Variants in SUCLG2 observed in about 807,000 individuals in gnomAD.
SUCLG2 encodes the protein succinate--CoA ligase [GDP-forming] subunit beta, mitochondrial.
In SUCLG2, 42 loss-of-function variants were observed where a neutral mutation model predicts 47.9. The ratio of observed to expected loss-of-function variants is 0.88; its 90% CI spans 0.69 to 1.14. The LOEUF (loss-of-function observed/expected upper bound fraction) is 1.14. Ranked by LOEUF, SUCLG2 falls within the 50% of genes most tolerant of loss-of-function variation. The probability of loss-of-function intolerance (pLI) is 0.00; values close to 1 mark genes in which losing one functional copy is unlikely to be tolerated. For missense variants in SUCLG2, 571 were observed against 525.9 expected, an observed-to-expected ratio of 1.09 and a Z score of -0.84; for synonymous variants, 195 against 197.3, an observed-to-expected ratio of 0.99 and a Z score of 0.10.
chr3:67,421,712 A>C (rs916170640), intron 9 of SUCLG2, among the ~76,000 whole-genome samples: 2 of 152,232 alleles, frequency 1.3e-5, no homozygotes, highest in African/African-American at 4.8e-5. Context: ...GGGGCTTAGC[A>C]ACTCCACATT....
At chr3:67,581,377 C>A (rs1051313959) in intron 2 of SUCLG2, among the ~76,000 whole-genome samples, 4 of 152,182 alleles carry the variant, frequency 2.6e-5, no homozygotes, top group African/African-American at 9.7e-5. Context: ...TGTCTTCTGC[C>A]ATATTTGTTT....
intron 9 of SUCLG2, among the ~76,000 whole-genome samples, chr3:67,493,270 G>GT (rs1275897342): frequency 1.3e-5 from 2 of 152,104 alleles, no homozygotes; most frequent in Admixed American, 6.5e-5. Flanking sequence ...ACATTTCTAT[G>GT]TTTTTTAACT....
At chr3:67,391,676 T>C (rs935573816) in intron 10 of SUCLG2, among the ~76,000 whole-genome samples, 1 of 152,120 alleles carries the variant, frequency 6.6e-6, no homozygotes, top group African/African-American at 2.4e-5. Context: ...CAAGATTTGC[T>C]GCTAACACCC....
chr3:67,594,917 A>C (rs1475608691), intron 2 of SUCLG2, among the ~76,000 whole-genome samples: 1 of 152,218 alleles, frequency 6.6e-6, no homozygotes, highest in African/African-American at 2.4e-5. Context: ...GAATTACACC[A>C]GATTTTTAGT....
intron 9 of SUCLG2, 128 bp downstream of exon 9, chr3:67,495,670 T>C: frequency 7.5e-6 from 7 of 933,132 alleles, no homozygotes; most frequent in Non-Finnish European, 1.1e-5. Context: ...AAAAAAAAGA[T>C]AGAAGTTGCA....
chr3:67,430,119 T>G (rs1438796700), intron 9 of SUCLG2, among the ~76,000 whole-genome samples: 2 of 152,140 alleles, frequency 1.3e-5, no homozygotes, highest in African/African-American at 4.8e-5. Flanking sequence ...ATCTACAGAA[T>G]TCTGCACCCC....
At chr3:67,532,714 A>G (rs918085267) in intron 2 of SUCLG2, among the ~76,000 whole-genome samples, 1 of 152,224 alleles carries the variant, frequency 6.6e-6, no homozygotes, top group Non-Finnish European at 1.5e-5. Flanking sequence ...TGACAAACTT[A>G]TAAATATGTA....
intron 2 of SUCLG2, among the ~76,000 whole-genome samples, chr3:67,563,925 A>T (rs1255570466): frequency 6.8e-6 from 1 of 147,482 alleles, no homozygotes; most frequent in African/African-American, 2.5e-5. Flanking sequence ...TCGCTGCTGC[A>T]CTCCAGCCTG....
chr3:67,422,113 A>C (rs956226426), intron 9 of SUCLG2, among the ~76,000 whole-genome samples: 1 of 152,110 alleles, frequency 6.6e-6, no homozygotes, highest in African/African-American at 2.4e-5. Context: ...AAGCTTCAAA[A>C]CTTGAGGTTT....
intron 7 of SUCLG2, among the ~76,000 whole-genome samples, chr3:67,499,439 G>C (rs1399889741): frequency 6.6e-6 from 1 of 152,096 alleles, no homozygotes; most frequent in Non-Finnish European, 1.5e-5. Flanking sequence ...ACCAAGACTG[G>C]TCAGTCACAA....
intron 10 of SUCLG2, among the ~76,000 whole-genome samples, chr3:67,395,131 C>T (rs955299615): frequency 3.3e-5 from 5 of 151,116 alleles, no homozygotes; most frequent in African/African-American, 1.2e-4. Context: ...GCAAAATAAC[C>T]AGCTAACATC....
At chr3:67,624,995 T>C (rs1264270288) in intron 1 of SUCLG2, among the ~76,000 whole-genome samples, 1 of 152,138 alleles carries the variant, frequency 6.6e-6, no homozygotes, top group East Asian at 1.9e-4. Flanking sequence ...GGAAACAATA[T>C]CCTAAACATA....
chr3:67,575,306 C>T (rs1215812533), intron 2 of SUCLG2, among the ~76,000 whole-genome samples: 1 of 152,148 alleles, frequency 6.6e-6, no homozygotes, highest in East Asian at 1.9e-4. Flanking sequence ...AAATGTCCAC[C>T]AACTGGTGAA....
chr3:67,463,013 T>C (rs1216812809), intron 9 of SUCLG2, among the ~76,000 whole-genome samples: 1 of 152,136 alleles, frequency 6.6e-6, no homozygotes, highest in African/African-American at 2.4e-5. Context: ...AAAATACAGT[T>C]TGTGTTCTTC....
chr3:67,608,090 C>G (rs1575812955), intron 2 of SUCLG2, among the ~76,000 whole-genome samples: 1 of 152,218 alleles, frequency 6.6e-6, no homozygotes, highest in East Asian at 1.9e-4. Flanking sequence ...GAAGGTACTT[C>G]TGCAGAATTA....
intron 2 of SUCLG2, among the ~76,000 whole-genome samples, chr3:67,563,953 C>G (rs1190874615): frequency 8.2e-6 from 1 of 122,694 alleles, no homozygotes; most frequent in Non-Finnish European, 1.6e-5. Flanking sequence ...GAGTGAGACT[C>G]TGTCTCAAAA....
intron 10 of SUCLG2, among the ~76,000 whole-genome samples, chr3:67,368,664 G>A (rs1467970902): frequency 6.6e-6 from 1 of 152,040 alleles, no homozygotes; most frequent in Non-Finnish European, 1.5e-5. Flanking sequence ...GGAGTGCAAT[G>A]GCACAATCTT....
chr3:67,592,718 CAAAA>C (rs754866312), intron 2 of SUCLG2, among the ~76,000 whole-genome samples: 1 of 80,256 alleles, frequency 1.2e-5, no homozygotes, highest in South Asian at 4.1e-4. Context: ...TCACATCCTC[CAAAA>C]AAAAAAAAAA....
chr3:67,480,032 ATATAAGGGGT>A (rs1704869924), intron 9 of SUCLG2, among the ~76,000 whole-genome samples: 1 of 152,240 alleles, frequency 6.6e-6, no homozygotes, highest in Admixed American at 6.5e-5. Flanking sequence ...AAATCTTCAA[ATATAAGGGGT>A]TATAAAGCGT....
Sources: gnomAD v4.1 joint callset for allele counts (sites outside exome capture counted in the v4.1 genomes callset) on GRCh38, gnomAD v4.1.1 for gene constraint, MANE v1.5 for transcripts, NCBI Gene and HGNC (gene_info 2026-07-23, HGNC 2026-07-21) for gene names.